GALNT7: variants seen among roughly 807,000 people sequenced by gnomAD.
GALNT7 encodes N-acetylgalactosaminyltransferase 7.
GALNT7 carries 60 observed loss-of-function variants against 82.1 expected under a neutral mutation model. That is an observed-to-expected ratio of 0.73 (90% CI 0.59 to 0.91). The LOEUF is 0.91. Among genes scored for constraint, GALNT7 ranks in the 40% least tolerant of loss-of-function variants. The pLI, the probability that GALNT7 is intolerant of heterozygous loss-of-function variation, is 0.00. For synonymous variants in GALNT7, 243 were observed against 275.1 expected (o/e 0.88, Z 1.15); for missense variants, 660 against 804.2 (o/e 0.82, Z 2.17).
intron 8 of GALNT7, among the ~76,000 whole-genome samples, chr4:173,313,395 T>TC (rs1737461867): frequency 7.1e-6 from 1 of 141,146 alleles, no homozygotes; most frequent in African/African-American, 2.5e-5. Context: ...AGAATGAGAC[T>TC]CCATCTACAC....
At chr4:173,202,595 A>G (rs1053344513) in intron 1 of GALNT7, among the ~76,000 whole-genome samples, 13 of 152,188 alleles carry the variant, frequency 8.5e-5, no homozygotes, top group African/African-American at 1.4e-4. Flanking sequence ...CCTCCAGGAA[A>G]TCTTATCTGC....
At chr4:173,209,968 A>G (rs1471488998) in intron 1 of GALNT7, among the ~76,000 whole-genome samples, 1 of 152,064 alleles carries the variant, frequency 6.6e-6, no homozygotes, top group Non-Finnish European at 1.5e-5. Flanking sequence ...CCCCGTCTCT[A>G]CTAAAAATAC....
intron 1 of GALNT7, among the ~76,000 whole-genome samples, chr4:173,186,566 G>C (rs889561824): frequency 1.3e-5 from 2 of 152,054 alleles, no homozygotes; most frequent in African/African-American, 2.4e-5. Context: ...TCTTGGATGA[G>C]CACCATAATT....
At chr4:173,308,317 A>T (rs1441125741) in intron 8 of GALNT7, among the ~76,000 whole-genome samples, 1 of 152,120 alleles carries the variant, frequency 6.6e-6, no homozygotes, top group Admixed American at 6.5e-5. Flanking sequence ...CCTATATTGA[A>T]TGTTCTCCAT....
At chr4:173,296,631 A>G (rs1736723915) in intron 5 of GALNT7, among the ~76,000 whole-genome samples, 1 of 152,216 alleles carries the variant, frequency 6.6e-6, no homozygotes, top group African/African-American at 2.4e-5. Flanking sequence ...TAGAGAAATT[A>G]AGTAATTTTC....
intron 1 of GALNT7, among the ~76,000 whole-genome samples, chr4:173,224,215 TTTC>T (rs1355188107): frequency 6.6e-6 from 1 of 152,190 alleles, no homozygotes; most frequent in East Asian, 1.9e-4. Context: ...TCGACTACAG[TTTC>T]TTCTAAAAAG....
At chr4:173,175,076 T>C (rs1002366431) in intron 1 of GALNT7, among the ~76,000 whole-genome samples, 1 of 152,236 alleles carries the variant, frequency 6.6e-6, no homozygotes, top group African/African-American at 2.4e-5. Context: ...TTAAAAAAGT[T>C]GGTCAGCAAG....
intron 1 of GALNT7, among the ~76,000 whole-genome samples, chr4:173,217,080 T>A (rs1184428668): frequency 6.6e-6 from 1 of 152,118 alleles, no homozygotes; most frequent in Non-Finnish European, 1.5e-5. Context: ...GCGGAAAATC[T>A]GGTTCTTGTT....
intron 2 of GALNT7, 112 bp from the exon 3 acceptor site, chr4:173,291,996 A>G (rs1255265426): frequency 1.7e-5 from 11 of 643,382 alleles, no homozygotes; most frequent in Non-Finnish European, 3.0e-5. Flanking sequence ...TATTTCATTC[A>G]CTTACCGTAG....
At chr4:173,224,573 T>A (rs540506570) in intron 1 of GALNT7, among the ~76,000 whole-genome samples, 60 of 152,314 alleles carry the variant, frequency 3.9e-4, no homozygotes, top group African/African-American at 1.3e-3. Context: ...ACATTAATTT[T>A]AAAAATTATA....
chr4:173,297,829 G>A (rs934220325), intron 5 of GALNT7: 1 of 1,469,460 alleles, frequency 6.8e-7, no homozygotes, highest in South Asian at 1.4e-5. Flanking sequence ...AGATTACATA[G>A]ATGGGAATGA....
intron 2 of GALNT7, among the ~76,000 whole-genome samples, chr4:173,269,272 G>T (rs888202569): frequency 6.6e-6 from 1 of 152,122 alleles, no homozygotes; most frequent in African/African-American, 2.4e-5. Flanking sequence ...TCCATTTAAG[G>T]AATAGAAATA....
At chr4:173,169,942 C>T (rs1256584267) in intron 1 of GALNT7, among the ~76,000 whole-genome samples, 1 of 152,068 alleles carries the variant, frequency 6.6e-6, no homozygotes, top group East Asian at 1.9e-4. Context: ...TCCGCTGGGA[C>T]GCATTTGTCT....
chr4:173,320,622 T>C lies in GALNT7; in HGVS notation c.1837-958T>C, dbSNP rs1202370541. On this transcript the variant is annotated intron_variant, in intron 11 of 11. Transcript: ENST00000265000. This position sits in a 1 kb window ranked among gnomAD's most constrained non-coding sequence, Gnocchi z 4.1. ...CAGTTTGTAAAGGGAGCGAGTACTT[T>C]AATAGCCGTTCATATAATTGTGGCT... 6.6e-6 allele frequency among the ~76,000 whole-genome samples: 1 copy of C among 152,180 alleles called. No individual in the cohort carries two copies. The highest frequency in any genetic ancestry group is 1.9e-4 in the East Asian group (1 of 5,188).
chr4:173,298,233 T>C lies in GALNT7; in HGVS notation c.1084T>C (p.Trp362Arg), dbSNP rs1467414014. The C allele has an allele frequency of 1.2e-6, 2 of 1,611,894 alleles. No individual in the cohort carries two copies. The highest frequency in any genetic ancestry group is 1.7e-5 in the Admixed American group (1 of 59,542). Residue 362 changes from tryptophan (W) to arginine (R), a missense_variant, in exon 6 of 12, where the codon TGG becomes CGG. This residue lies in a region of GALNT7 where 527 missense variants were observed against 683.5 expected (regional missense o/e 0.77). Coordinates refer to ENST00000265000, the MANE Select transcript of GALNT7 (RefSeq NM_017423.3). ...AGGAGCATGGGATTGGAGTATGCTCTGGAAACGGGTGCCTCTGACCCCTCA... is the reference window on the plus strand; with the variant it reads ...AGGAGCATGGGATTGGAGTATGCTCCGGAAACGGGTGCCTCTGACCCCTCA... ...ARGAWDWSML[W>R]KRVPLTPQEK...
chr4:173,183,554 C>G (rs1732343541), intron 1 of GALNT7, among the ~76,000 whole-genome samples: 1 of 152,098 alleles, frequency 6.6e-6, no homozygotes, highest in African/African-American at 2.4e-5. Flanking sequence ...CTACTTCTTT[C>G]TACACAGACA....
At chr4:173,308,042 T>C (rs1376908273) in intron 8 of GALNT7, among the ~76,000 whole-genome samples, 7 of 152,214 alleles carry the variant, frequency 4.6e-5, no homozygotes, top group Non-Finnish European at 1.0e-4. Context: ...CATCTGCCTT[T>C]CTTCTTTGTT....
At chr4:173,232,829 T>C (rs559163462) in intron 1 of GALNT7, among the ~76,000 whole-genome samples, 109 of 152,310 alleles carry the variant, frequency 7.2e-4, no homozygotes, top group African/African-American at 2.5e-3. Flanking sequence ...ACTGTGGTAC[T>C]GAACACTAGA....
At chr4:173,231,741 G>T (rs186006077) in intron 1 of GALNT7, among the ~76,000 whole-genome samples, 1 of 152,062 alleles carries the variant, frequency 6.6e-6, no homozygotes, top group South Asian at 2.1e-4. Flanking sequence ...ATATATGGAG[G>T]CCAGGAAACA....
Sources: allele counts gnomAD v4.1 joint callset (sites outside exome capture counted in the v4.1 genomes callset), GRCh38; gene constraint gnomAD v4.1.1; regional missense constraint gnomAD v4.1.1; non-coding constraint Gnocchi (gnomAD v3.1); transcripts MANE v1.5; gene names NCBI Gene and HGNC (gene_info 2026-07-23, HGNC 2026-07-21).